The following PI4KA variants were observed in gnomAD, a reference collection of about 807,000 sequenced individuals.
PI4KA encodes the protein phosphatidylinositol 4-kinase alpha, also known as PI4-kinase alpha.
In PI4KA, 122 loss-of-function variants were observed where a neutral mutation model predicts 271.4. That is an observed-to-expected ratio of 0.45 (90% CI 0.39 to 0.52). PI4KA has a LOEUF of 0.52. PI4KA is among the 20% of genes least tolerant of loss of function. PI4KA has a pLI of 0.00. For missense variants in PI4KA, 1,969 were observed against 2,769.1 expected (o/e 0.71, Z 6.48); for synonymous variants, 1,041 against 1,078.8 (o/e 0.96, Z 0.69).
At position 20,717,759 on chromosome 22, in the gene PI4KA, C is replaced by G; in HGVS notation, c.5266G>C (p.Glu1756Gln). 4.4e-6 allele frequency: 7 copies of G among 1,574,710 alleles called. No homozygotes were observed. The highest frequency in any genetic ancestry group is 1.8e-5 in the Admixed American group (1 of 54,768). ...AIIKPYPKGD[E>Q]RKKACLSALS... ...GCCGACAGACAAGCCTTCTTTCTCT[C>G]GTCGCCTTTAGGGTAGGGCCTGAGA... Residue 1756 changes from glutamate to glutamine, a missense_variant, in exon 45 of 55, where the codon GAG becomes CAG. Glu to Gln is a conservative substitution (Grantham distance 29, BLOSUM62 2). Coordinates refer to ENST00000255882, the MANE Select transcript of PI4KA (RefSeq NM_058004.4).
At chr22:20,766,082 A>G (rs1248483045) in intron 19 of PI4KA, among the ~76,000 whole-genome samples, 1 of 152,174 alleles carries the variant, frequency 6.6e-6, no homozygotes, top group Non-Finnish European at 1.5e-5. Context: ...CAGCCACAAG[A>G]GCATTAGGTC....
At chr22:20,854,568 C>T (rs987354139) in intron 1 of PI4KA, among the ~76,000 whole-genome samples, 2 of 151,996 alleles carry the variant, frequency 1.3e-5, no homozygotes, top group Non-Finnish European at 2.9e-5. Flanking sequence ...CATTAATGTA[C>T]CTCAAGTGTC....
chr22:20,847,822 T>C (rs1199712825), intron 1 of PI4KA, among the ~76,000 whole-genome samples: 3 of 151,098 alleles, frequency 2.0e-5, no homozygotes, highest in Non-Finnish European at 4.4e-5. Flanking sequence ...AAAAAGTACT[T>C]ATGAATAAAA....
At chr22:20,718,582 C>T in intron 44 of PI4KA, 111 bp downstream of exon 44, 3 of 1,260,512 alleles carry the variant, frequency 2.4e-6, no homozygotes, top group Middle Eastern at 2.7e-4. Flanking sequence ...GACTCTCATT[C>T]ATCTGGTTGG....
intron 14 of PI4KA, 138 bp from the exon 15 acceptor site, chr22:20,799,904 A>G (rs1336611868): frequency 1.7e-6 from 1 of 599,352 alleles, no homozygotes. Context: ...GGAGGTCATA[A>G]CACAGAATGA....
At chr22:20,814,163 T>C (rs985223554) in intron 7 of PI4KA, among the ~76,000 whole-genome samples, 1 of 136,124 alleles carries the variant, frequency 7.3e-6, no homozygotes, top group African/African-American at 2.6e-5. Context: ...TCAGAGATAT[T>C]TTCTCACCAA....
chr22:20,846,263 C>CAAA (rs361641), intron 1 of PI4KA, among the ~76,000 whole-genome samples: 19 of 82,026 alleles, frequency 2.3e-4, no homozygotes, highest in East Asian at 3.2e-4. Context: ...GACTCTATCT[C>CAAA]AAAAAAAAAA....
rs1328516186 is a variant in PI4KA at position 20,751,774 on chromosome 22, C to A, written c.2988-19G>T. ...GGGAAACCTGCACCAAGAGCCAGCT[C>A]TCAGGACCAAGAGCCAAACCTCCAA... On this transcript the variant is annotated intron_variant, in intron 25 of 54. Coordinates refer to ENST00000255882, the MANE Select transcript of PI4KA (RefSeq NM_058004.4). The A allele has an allele frequency of 1.9e-6, 3 of 1,611,530 alleles. No homozygotes were observed. Among genetic ancestry groups the A allele is most frequent in the Non-Finnish European group, 2.5e-6 (3 of 1,177,786 alleles).
At chr22:20,809,607 T>G (rs1421500786) in intron 9 of PI4KA, among the ~76,000 whole-genome samples, 1 of 152,152 alleles carries the variant, frequency 6.6e-6, no homozygotes, top group Non-Finnish European at 1.5e-5. Flanking sequence ...GCTCTCGCCC[T>G]GGTCCTCCTG....
At chr22:20,825,874 C>T (rs1923345373) in intron 3 of PI4KA, among the ~76,000 whole-genome samples, 2 of 152,182 alleles carry the variant, frequency 1.3e-5, no homozygotes, top group Admixed American at 1.3e-4. Context: ...CCCATCCTCA[C>T]CTTCCTCCTA....
chr22:20,829,924 G>A (rs1923933867), intron 3 of PI4KA, among the ~76,000 whole-genome samples: 1 of 152,098 alleles, frequency 6.6e-6, no homozygotes, highest in Non-Finnish European at 1.5e-5. Flanking sequence ...GGTCATTCAG[G>A]AGCAGGTTAT....
chr22:20,788,371 C>T (rs1019242044), intron 19 of PI4KA, among the ~76,000 whole-genome samples: 1 of 152,156 alleles, frequency 6.6e-6, no homozygotes, highest in Non-Finnish European at 1.5e-5. Context: ...GGAGTAGGGA[C>T]GGAAGGGGAA....
At position 20,858,808 on chromosome 22, in the gene PI4KA, A is replaced by C; in HGVS notation, c.-83T>G. ...GACCTCAGGGCGCAGGCGTAGGTGC[A>C]TCCGGCTTTCCCGCCACGTGACCTC... On this transcript the variant is annotated 5_prime_UTR_variant, in exon 1 of 55. The change abolishes an upstream ATG in the 5' untranslated region. Transcript: ENST00000255882. 1 of 1,358,702 alleles carries C rather than the reference A, an allele frequency of 7.4e-7. No homozygotes were observed. Among genetic ancestry groups the C allele is most frequent in the Non-Finnish European group, 9.5e-7 (1 of 1,055,646 alleles). 84.2% of individuals were successfully genotyped at this position (1,358,702 alleles called of 1,614,324 possible).
intron 36 of PI4KA, 26 bp from the exon 37 acceptor site, chr22:20,730,037 T>C: frequency 6.2e-7 from 1 of 1,609,194 alleles, no homozygotes; most frequent in Admixed American, 1.7e-5. Flanking sequence ...TTGTTGATTC[T>C]AGAGTGAGGT....
chr22:20,827,396 A>G (rs1468760695), intron 3 of PI4KA, among the ~76,000 whole-genome samples: 1 of 151,812 alleles, frequency 6.6e-6, no homozygotes, highest in Admixed American at 6.6e-5. Flanking sequence ...TCTCTATTCT[A>G]TTTGTCTATG....
Position 20,803,273 on chromosome 22 carries a change from C to A in PI4KA, c.1509G>T (p.Val503=), listed in dbSNP as rs762973598. 1 of 1,614,018 alleles carries A rather than the reference C, an allele frequency of 6.2e-7. No homozygotes were observed. The highest frequency in any genetic ancestry group is 8.5e-7 in the Non-Finnish European group (1 of 1,179,872). ...CERFPVVVHS[V]TPSLRDFLVI... ...CCAGGAAGTCTCGCAAGGACGGTGTCACAGAGTGCACCACCACCGGGAACC... is the reference window on the plus strand; with the variant it reads ...CCAGGAAGTCTCGCAAGGACGGTGTAACAGAGTGCACCACCACCGGGAACC... The change falls in exon 13 of 55, where the codon GTG becomes GTT. Residue 503 remains valine (V), a synonymous_variant. Coordinates refer to ENST00000255882, the MANE Select transcript of PI4KA (RefSeq NM_058004.4).
chr22:20,780,641 C>T (rs370928317), intron 19 of PI4KA, among the ~76,000 whole-genome samples: 75 of 151,772 alleles, frequency 4.9e-4, no homozygotes, highest in African/African-American at 6.5e-4. Context: ...CTGGGCCTGG[C>T]GGTGGGTGCC....
chr22:20,742,403 C>A, intron 31 of PI4KA, 48 bp from the exon 32 acceptor site: 3 of 1,598,802 alleles, frequency 1.9e-6, no homozygotes, highest in Non-Finnish European at 2.6e-6. Context: ...ACAGCTGAAC[C>A]CCAAAACAGC....
chr22:20,765,715 G>A (rs777365332), intron 19 of PI4KA, 22 bp from the exon 20 acceptor site: 244 of 1,503,488 alleles, frequency 1.6e-4, no homozygotes, highest in Non-Finnish European at 1.7e-5. Flanking sequence ...AGAAGAGAGG[G>A]AGAAAGGAGG....
Sources: allele counts gnomAD v4.1 joint callset (sites outside exome capture counted in the v4.1 genomes callset), GRCh38; gene constraint gnomAD v4.1.1; transcripts MANE v1.5; gene names NCBI Gene and HGNC (gene_info 2026-07-23, HGNC 2026-07-21).